ADAMTSL3: variants seen among roughly 807,000 people sequenced by gnomAD.
The protein encoded by ADAMTSL3 is ADAMTS like 3.
ADAMTSL3 carries 128 observed loss-of-function variants against 201.7 expected under a neutral mutation model. That is an observed-to-expected ratio of 0.63 (90% CI 0.55 to 0.73). The LOEUF is 0.73. ADAMTSL3 is among the 30% of genes least tolerant of loss of function. ADAMTSL3 has a pLI of 0.00. For synonymous variants in ADAMTSL3, 738 were observed against 748.4 expected, an observed-to-expected ratio of 0.99 and a Z score of 0.23; for missense variants, 1,990 against 2,119.6, an observed-to-expected ratio of 0.94 and a Z score of 1.20.
At chr15:83,733,642 G>A (rs887979160) in intron 3 of ADAMTSL3, among the ~76,000 whole-genome samples, 30 of 151,996 alleles carry the variant, frequency 2.0e-4, no homozygotes, top group African/African-American at 6.3e-4. Flanking sequence ...TCAAATGATC[G>A]CACCGTACTT....
intron 3 of ADAMTSL3, among the ~76,000 whole-genome samples, chr15:83,750,375 A>G (rs1275680860): frequency 2.0e-5 from 3 of 152,240 alleles, no homozygotes; most frequent in African/African-American, 4.8e-5. Context: ...CTTGTTGAGG[A>G]CTTAAGTAAA....
At chr15:83,785,505 A>G (rs752403782) in intron 4 of ADAMTSL3, among the ~76,000 whole-genome samples, 5 of 151,970 alleles carry the variant, frequency 3.3e-5, no homozygotes, top group Non-Finnish European at 7.4e-5. Flanking sequence ...TAGATAACCT[A>G]TTTTTTAGAT....
intron 3 of ADAMTSL3, among the ~76,000 whole-genome samples, chr15:83,733,110 A>C (rs1398363954): frequency 6.6e-6 from 1 of 152,164 alleles, no homozygotes. Context: ...GGGTGTAATC[A>C]CAAGAGTGAA....
At chr15:83,928,954 A>G (rs1290363137) in intron 17 of ADAMTSL3, among the ~76,000 whole-genome samples, 1 of 152,104 alleles carries the variant, frequency 6.6e-6, no homozygotes, top group Non-Finnish European at 1.5e-5. Flanking sequence ...TACTTGATGA[A>G]TTTGTCCTAA....
chr15:83,869,280 A>G (rs1871731), intron 8 of ADAMTSL3, among the ~76,000 whole-genome samples: 41,279 of 151,692 alleles, frequency 0.27, 6,257 homozygotes, highest in Admixed American at 0.43. Context: ...CTAGTTCCCC[A>G]TTTCATTTTT....
intron 9 of ADAMTSL3, among the ~76,000 whole-genome samples, chr15:83,878,251 T>G (rs1056253759): frequency 3.3e-5 from 5 of 152,202 alleles, no homozygotes; most frequent in African/African-American, 1.2e-4. Context: ...ATGACATTGA[T>G]TTTTCAAATG....
intron 6 of ADAMTSL3, among the ~76,000 whole-genome samples, chr15:83,822,359 G>T (rs1478889685): frequency 6.8e-6 from 1 of 148,144 alleles, no homozygotes; most frequent in East Asian, 2.1e-4. Context: ...CTTCTCAGAC[G>T]GGGCGGCTGC....
At position 83,838,198 on chromosome 15, in the gene ADAMTSL3, A is replaced by G; in HGVS notation, c.710A>G (p.His237Arg). The G allele has an allele frequency of 1.2e-6, 2 of 1,612,976 alleles. No homozygotes were observed. The highest frequency in any genetic ancestry group is 1.1e-5 in the South Asian group (1 of 90,766). Residue 237 changes from histidine (H) to arginine (R), a missense_variant, in exon 7 of 30, where the codon CAC becomes CGC. His to Arg is a conservative substitution (Grantham distance 29). Transcript: ENST00000286744. Reference protein sequence around the residue: ...CRLVRGQSKSHVSPEKREENV... With the variant: ...CRLVRGQSKSRVSPEKREENV... ...CTTGTACGGGGACAATCAAAGTCAC[A>G]CGTTTCTCCTGAAAAAAGTAGGTTT...
Position 83,873,712 on chromosome 15 carries a change from C to T in ADAMTSL3, c.960+2753C>T, listed in dbSNP as rs571855919. ...TTATTATAAAACTCATTTTCCTCAT[C>T]AAACAGTGGTAATACACTTTTGCAA... On this transcript the variant is annotated intron_variant, in intron 9 of 29. Coordinates refer to ENST00000286744, the MANE Select transcript of ADAMTSL3 (RefSeq NM_207517.3). 5.5e-5 allele frequency among the ~76,000 whole-genome samples: 8 copies of T among 145,508 alleles called. 2 individuals are homozygous for T. The East Asian group carries it at 1.1e-3, about 21-fold the overall frequency.
intron 6 of ADAMTSL3, among the ~76,000 whole-genome samples, chr15:83,823,907 C>A (rs139776156): frequency 2.9e-4 from 14 of 47,490 alleles, no homozygotes; most frequent in African/African-American, 7.6e-4. Context: ...TCTTCTTCTT[C>A]TTCTTCTTCT....
At chr15:83,658,871 T>C (rs890876586) in intron 2 of ADAMTSL3, among the ~76,000 whole-genome samples, 5 of 152,226 alleles carry the variant, frequency 3.3e-5, no homozygotes, top group Admixed American at 3.3e-4. Context: ...CCCCCCTTTT[T>C]TTTCTCTTGC....
intron 4 of ADAMTSL3, among the ~76,000 whole-genome samples, chr15:83,784,447 C>T (rs2063227007): frequency 6.6e-6 from 1 of 152,092 alleles, no homozygotes; most frequent in African/African-American, 2.4e-5. Flanking sequence ...GCAATAATCA[C>T]CTAAAGTTTC....
rs1469146518 is a variant in ADAMTSL3 at position 84,038,931 on chromosome 15, A to AAGGGTT, written c.*1135_*1140dup. On this transcript the variant is annotated 3_prime_UTR_variant, in exon 30 of 30. Transcript: ENST00000286744. ...TAAGGTTAAGGCTAGAGTTGTCTTT[A>AAGGGTT]AGGGTTAGGGTTAGGACCAGGTTAG... is the stretch of plus-strand genomic sequence containing the variant. 1.3e-5 allele frequency: 2 copies of AAGGGTT among 152,272 alleles called. No individual in the cohort carries two copies. The highest frequency in any genetic ancestry group is 2.9e-5 in the Non-Finnish European group (2 of 68,014). 9.4% of individuals were successfully genotyped at this position (152,272 alleles called of 1,614,324 possible).
At chr15:83,997,179 A>G (rs1246638011) in intron 23 of ADAMTSL3, among the ~76,000 whole-genome samples, 1 of 152,196 alleles carries the variant, frequency 6.6e-6, no homozygotes, top group Non-Finnish European at 1.5e-5. Context: ...TTGTAAAAGC[A>G]GAGAGAGAGA....
At chr15:83,833,745 T>TA (rs2064206279) in intron 6 of ADAMTSL3, among the ~76,000 whole-genome samples, 1 of 152,228 alleles carries the variant, frequency 6.6e-6, no homozygotes, top group African/African-American at 2.4e-5. Context: ...GTACGGGGAT[T>TA]AAAACTCAGA....
rs367552579 is a variant in ADAMTSL3, at chr15:83,739,055, TAAA to T, written c.190-34466_190-34464del. On this transcript the variant is annotated intron_variant, in intron 3 of 29. Coordinates refer to ENST00000286744, the MANE Select transcript of ADAMTSL3 (RefSeq NM_207517.3). ...AAAATGTGGTCAAAGGAAAACAAAATAAAATAGCAGAAAAATCTAAATACCCCA... is the reference window on the plus strand; with the variant it reads ...AAAATGTGGTCAAAGGAAAACAAAATATAGCAGAAAAATCTAAATACCCCA... Among the ~76,000 whole-genome samples, 27 of 150,454 alleles carry T rather than the reference TAAA, an allele frequency of 1.8e-4. No homozygotes were observed. The East Asian group carries it at 2.8e-3, about 15-fold the overall frequency.
intron 3 of ADAMTSL3, among the ~76,000 whole-genome samples, chr15:83,719,035 G>A (rs886568303): frequency 2.0e-5 from 3 of 152,154 alleles, no homozygotes; most frequent in Admixed American, 6.5e-5. Flanking sequence ...ACTGATATAT[G>A]CATTGAATAT....
chr15:83,740,489 T>C (rs910813970), intron 3 of ADAMTSL3, among the ~76,000 whole-genome samples: 4 of 152,220 alleles, frequency 2.6e-5, no homozygotes, highest in South Asian at 2.1e-4. Context: ...TCAAAACTCA[T>C]TGGATTTTGC....
rs1337452152 is a variant in ADAMTSL3 at position 83,983,009 on chromosome 15, A to G, written c.3381A>G (p.Glu1127=). ...ASQLIYQLVA[E]LAKAQPTHMQ... is the part of the protein sequence containing the mutation. ...AGCTGATATATCAGCTGGTGGCCGA[A>G]TTAGCCAAGGCACAGCCAACACACA... The change falls in exon 21 of 30, where the codon GAA becomes GAG. Residue 1127 remains glutamate (E), a synonymous_variant. Coordinates refer to ENST00000286744, the MANE Select transcript of ADAMTSL3 (RefSeq NM_207517.3). 3 of 1,614,068 alleles carry G rather than the reference A, an allele frequency of 1.9e-6. No individual in the cohort carries two copies. The highest frequency in any genetic ancestry group is 2.7e-5 in the African/African-American group (2 of 74,920).
Sources: gnomAD v4.1 joint callset for allele counts (sites outside exome capture counted in the v4.1 genomes callset) on GRCh38, gnomAD v4.1.1 for gene constraint, MANE v1.5 for transcripts, NCBI Gene and HGNC (gene_info 2026-07-23, HGNC 2026-07-21) for gene names.